SYNDIG1L: variants seen among roughly 807,000 people sequenced by gnomAD.
The protein encoded by SYNDIG1L is synapse differentiation-inducing gene protein 1-like.
SYNDIG1L carries 13 observed loss-of-function variants against 20.1 expected under a neutral mutation model. That is an observed-to-expected ratio of 0.65 (90% CI 0.42 to 1.03). SYNDIG1L has a LOEUF of 1.03. Ranked by LOEUF, SYNDIG1L falls within the 50% of genes least tolerant of loss-of-function variation. The pLI is 0.00. For synonymous variants in SYNDIG1L, 128 were observed against 129.3 expected (o/e 0.99, Z 0.07); for missense variants, 294 against 305.1 (o/e 0.96, Z 0.27).
chr14:74,425,118 G>A (rs1261209776), intron 1 of SYNDIG1L, among the ~76,000 whole-genome samples: 1 of 152,204 alleles, frequency 6.6e-6, no homozygotes, highest in African/African-American at 2.4e-5. Flanking sequence ...GCCAGTCATA[G>A]AGAACTCTGC....
rs1359233366 is a variant in SYNDIG1L, at chr14:74,406,319, G to A, written c.*1216C>T. Reference sequence around the variant, plus strand: ...CATCATTGGTCTTTGAGAGACAGGTGTGACGTTCCTCCTTGAGTTGGCAGA... The same window carrying A: ...CATCATTGGTCTTTGAGAGACAGGTATGACGTTCCTCCTTGAGTTGGCAGA... On this transcript the variant is annotated 3_prime_UTR_variant, in exon 4 of 4. Coordinates refer to ENST00000331628, the MANE Select transcript of SYNDIG1L (RefSeq NM_001105579.2). 11 of 377,386 alleles carry A rather than the reference G, an allele frequency of 2.9e-5. No individual in the cohort carries two copies. Among genetic ancestry groups the A allele is most frequent in the East Asian group, 2.7e-4 (7 of 26,296 alleles). The allele number at this position is 377,386 out of a possible 1,614,324, so 23.4% of individuals were successfully genotyped here.
chr14:74,475,047 G>C, the SYNDIG1L span, among the ~76,000 whole-genome samples: 1 of 152,146 alleles, frequency 6.6e-6, no homozygotes, highest in African/African-American at 2.4e-5. Context: ...CTTAAAAAGA[G>C]AGGGTTAGAA....
chr14:74,436,774 T>C, the SYNDIG1L span, among the ~76,000 whole-genome samples: 1 of 143,812 alleles, frequency 7.0e-6, no homozygotes, highest in Non-Finnish European at 1.5e-5. Flanking sequence ...CGCTTGAACC[T>C]GGGAGGCAGA....
chr14:74,468,981 A>C, the SYNDIG1L span, among the ~76,000 whole-genome samples: 1 of 152,092 alleles, frequency 6.6e-6, no homozygotes, highest in East Asian at 1.9e-4. Context: ...GTATCTCTGC[A>C]GTGTGAAGTG....
chr14:74,415,388 G>T (rs1034571675), intron 1 of SYNDIG1L, among the ~76,000 whole-genome samples: 1 of 152,190 alleles, frequency 6.6e-6, no homozygotes, highest in African/African-American at 2.4e-5. Context: ...TGATTCTGGG[G>T]TGGGGCCTGG....
At chr14:74,475,584 T>C in the SYNDIG1L span, among the ~76,000 whole-genome samples, 1 of 151,870 alleles carries the variant, frequency 6.6e-6, no homozygotes, top group Non-Finnish European at 1.5e-5. Context: ...TCTCTCTTTC[T>C]CTGGTGCCAG....
At chr14:74,467,098 A>G in the SYNDIG1L span, among the ~76,000 whole-genome samples, 1 of 152,130 alleles carries the variant, frequency 6.6e-6, no homozygotes, top group Non-Finnish European at 1.5e-5. Flanking sequence ...TTTCTCATTA[A>G]TGGGTCACCG....
intron 2 of SYNDIG1L, among the ~76,000 whole-genome samples, chr14:74,408,243 T>C (rs2086100552): frequency 6.6e-6 from 1 of 152,150 alleles, no homozygotes; most frequent in Non-Finnish European, 1.5e-5. Context: ...TTGTTCATCA[T>C]AGGATAGCAA....
At chr14:74,437,874 A>G in the SYNDIG1L span, among the ~76,000 whole-genome samples, 2 of 152,200 alleles carry the variant, frequency 1.3e-5, no homozygotes, top group African/African-American at 4.8e-5. Context: ...TGACAGCCCT[A>G]CTATAGGGCC....
At position 74,407,190 on chromosome 14, in the gene SYNDIG1L, G is replaced by C. The variant is rs1219445394; in HGVS notation, c.*345C>G. Reference sequence around the variant, plus strand: ...TCTTTCTCTGTGGGGAGGTTGGCAGGGTAGGTGGTGGGCTGGCTGTAGGGC... The same window carrying C: ...TCTTTCTCTGTGGGGAGGTTGGCAGCGTAGGTGGTGGGCTGGCTGTAGGGC... On this transcript the variant is annotated 3_prime_UTR_variant, in exon 4 of 4. Coordinates refer to ENST00000331628, the MANE Select transcript of SYNDIG1L (RefSeq NM_001105579.2). The C allele has an allele frequency of 2.5e-5, 8 of 323,806 alleles. No homozygotes were observed. The highest frequency in any genetic ancestry group is 4.4e-5 in the African/African-American group (2 of 45,304). The allele number at this position is 323,806 out of a possible 1,614,324, so 20.1% of individuals were successfully genotyped here.
intron 1 of SYNDIG1L, among the ~76,000 whole-genome samples, chr14:74,410,620 A>G (rs1347450634): frequency 6.6e-6 from 1 of 152,052 alleles, no homozygotes; most frequent in African/African-American, 2.4e-5. Flanking sequence ...AGTGGTGTAG[A>G]TGGAGGAAAG....
chr14:74,463,011 C>T, the SYNDIG1L span, among the ~76,000 whole-genome samples: 4 of 152,112 alleles, frequency 2.6e-5, no homozygotes, highest in East Asian at 3.9e-4. Context: ...ACCAAGATGT[C>T]GGATCATGGG....
At chr14:74,444,941 A>G in the SYNDIG1L span, among the ~76,000 whole-genome samples, 1 of 152,188 alleles carries the variant, frequency 6.6e-6, no homozygotes, top group Admixed American at 6.5e-5. Flanking sequence ...TTAATCAGCA[A>G]TGGCAAAAGA....
the SYNDIG1L span, among the ~76,000 whole-genome samples, chr14:74,455,932 C>A: frequency 6.6e-6 from 1 of 152,204 alleles, no homozygotes; most frequent in Admixed American, 6.5e-5. Flanking sequence ...TTCAGTGGAC[C>A]CCCTGGCTGC....
At chr14:74,411,860 G>A (rs2086133372) in intron 1 of SYNDIG1L, among the ~76,000 whole-genome samples, 1 of 152,214 alleles carries the variant, frequency 6.6e-6, no homozygotes, top group Non-Finnish European at 1.5e-5. Context: ...ATAATCATGG[G>A]GGTTACTCAG....
chr14:74,434,917 T>TAAAA, the SYNDIG1L span, among the ~76,000 whole-genome samples: 3 of 130,674 alleles, frequency 2.3e-5, no homozygotes, highest in Non-Finnish European at 4.8e-5. Flanking sequence ...CCATCTCTAC[T>TAAAA]AAAAAAAAAA....
At chr14:74,460,678 C>T in the SYNDIG1L span, among the ~76,000 whole-genome samples, 1 of 152,230 alleles carries the variant, frequency 6.6e-6, no homozygotes, top group Non-Finnish European at 1.5e-5. Context: ...CTTCGGCTCC[C>T]AGGCTGGAGT....
At chr14:74,432,561 G>A in the SYNDIG1L span, among the ~76,000 whole-genome samples, 8 of 152,142 alleles carry the variant, frequency 5.3e-5, no homozygotes, top group Non-Finnish European at 1.0e-4. Context: ...GTACAATAGA[G>A]GTAGAAGGAG....
chr14:74,409,846 G>C, intron 1 of SYNDIG1L, 45 bp from the exon 2 acceptor site: 1 of 1,306,590 alleles, frequency 7.7e-7, no homozygotes, highest in Non-Finnish European at 9.8e-7. Context: ...CAGGGCACTG[G>C]AGGCAGGACC....
Sources: allele counts gnomAD v4.1 joint callset (sites outside exome capture counted in the v4.1 genomes callset), GRCh38; gene constraint gnomAD v4.1.1; transcripts MANE v1.5; gene names NCBI Gene and HGNC (gene_info 2026-07-23, HGNC 2026-07-21).